Variants in TMEM94 observed in about 807,000 individuals in gnomAD.
TMEM94 encodes transmembrane protein 94.
In TMEM94, 81 loss-of-function variants were observed where a neutral mutation model predicts 158.6. The ratio of observed to expected loss-of-function variants is 0.51; its 90% CI spans 0.43 to 0.61. TMEM94 has a LOEUF of 0.61. Among genes scored for constraint, TMEM94 ranks in the 20% least tolerant of loss-of-function variants. The pLI is 0.00. For synonymous variants in TMEM94, 751 were observed against 730.7 expected (o/e 1.03, Z -0.45); for missense variants, 1,435 against 1,762.0 (o/e 0.81, Z 3.32).
intron 1 of TMEM94, among the ~76,000 whole-genome samples, chr17:75,462,542 A>T (rs1049121924): frequency 2.6e-5 from 4 of 151,378 alleles, no homozygotes; most frequent in African/African-American, 9.7e-5. Flanking sequence ...TTCCATTTTT[A>T]AAAATATACA....
At chr17:75,479,384 A>G (rs982831653) in intron 2 of TMEM94, among the ~76,000 whole-genome samples, 3 of 152,034 alleles carry the variant, frequency 2.0e-5, no homozygotes, top group Non-Finnish European at 2.9e-5. Context: ...CAGTGGCGCA[A>G]TCTCGGCTCA....
chr17:75,468,682 C>T (rs1423978929), intron 1 of TMEM94, among the ~76,000 whole-genome samples: 1 of 152,224 alleles, frequency 6.6e-6, no homozygotes, highest in Non-Finnish European at 1.5e-5. Flanking sequence ...CGTGGTTGCT[C>T]AGCCTAGGGC....
intron 1 of TMEM94, among the ~76,000 whole-genome samples, chr17:75,467,626 G>A (rs1197434960): frequency 6.9e-6 from 1 of 145,104 alleles, no homozygotes; most frequent in Admixed American, 7.1e-5. Context: ...TCCGCTTCCC[G>A]GGTTCACGCC....
chr17:75,460,387 A>G (rs2050023672), intron 1 of TMEM94, among the ~76,000 whole-genome samples: 1 of 152,228 alleles, frequency 6.6e-6, no homozygotes, highest in African/African-American at 2.4e-5. Context: ...AAAAAGATGT[A>G]TGCTGGACAA....
chr17:75,489,434 C>A lies in TMEM94; in HGVS notation c.867+66C>A. The A allele has an allele frequency of 6.5e-7, 1 of 1,529,388 alleles. No individual in the cohort carries two copies. The highest frequency in any genetic ancestry group is 9.1e-7 in the Non-Finnish European group (1 of 1,103,956). 94.7% of individuals were successfully genotyped at this position (1,529,388 alleles called of 1,614,324 possible). ...GAGAGGGCTGGACACGGGGGGGTCT[C>A]AGGGCCACTCACATGAGCGGGAGTG... On this transcript the variant is annotated intron_variant, in intron 8 of 31. Coordinates refer to ENST00000314256, the MANE Select transcript of TMEM94 (RefSeq NM_014738.6). The surrounding 1 kb of genome is among the most constrained non-coding windows in gnomAD (Gnocchi z 5.0).
intron 9 of TMEM94, 179 bp from the exon 10 acceptor site, chr17:75,490,055 G>A: frequency 1.2e-6 from 1 of 838,234 alleles, no homozygotes. Context: ...CTCCAGCCTG[G>A]CGACGGAGCA....
intron 1 of TMEM94, among the ~76,000 whole-genome samples, chr17:75,461,556 C>T (rs1295067218): frequency 6.6e-6 from 1 of 152,150 alleles, no homozygotes; most frequent in East Asian, 1.9e-4. Context: ...CCCAACCATT[C>T]CCTAGCCACT....
chr17:75,460,296 C>T (rs1315723730), intron 1 of TMEM94, among the ~76,000 whole-genome samples: 1 of 152,104 alleles, frequency 6.6e-6, no homozygotes, highest in Non-Finnish European at 1.5e-5. Context: ...TTCATAACTT[C>T]AAGGGCTTCT....
In TMEM94 at chr17:75,492,109, T is replaced by C. The variant is rs2052254626; in HGVS notation, c.1596+209T>C. The C allele has an allele frequency of 3.9e-6, 3 of 778,598 alleles. No individual in the cohort carries two copies. The highest frequency in any genetic ancestry group is 6.0e-6 in the Non-Finnish European group (3 of 498,490). 48.2% of individuals were successfully genotyped at this position (778,598 alleles called of 1,614,324 possible). ...TCCCCCTACCCTTCCATTCTTGTAA[T>C]CGCAATCACTGGTGTCCCTACTGGA... On this transcript the variant is annotated intron_variant, in intron 14 of 31. Coordinates refer to ENST00000314256, the MANE Select transcript of TMEM94 (RefSeq NM_014738.6). This position sits in a 1 kb window ranked among gnomAD's most constrained non-coding sequence, Gnocchi z 4.4.
chr17:75,478,890 C>G (rs902924881), intron 2 of TMEM94, among the ~76,000 whole-genome samples: 1 of 152,140 alleles, frequency 6.6e-6, no homozygotes, highest in Non-Finnish European at 1.5e-5. Context: ...GTACTTAAGG[C>G]CAGGTTAGAT....
chr17:75,464,366 C>T (rs1337475250), intron 1 of TMEM94, among the ~76,000 whole-genome samples: 1 of 152,022 alleles, frequency 6.6e-6, no homozygotes, highest in African/African-American at 2.4e-5. Flanking sequence ...ACCTGTGATC[C>T]TAGCTACTCG....
intron 5 of TMEM94, 54 bp downstream of exon 5, chr17:75,486,480 C>T: frequency 6.2e-7 from 1 of 1,608,974 alleles, no homozygotes; most frequent in Non-Finnish European, 8.5e-7. Flanking sequence ...CATATCAGAG[C>T]CCTGAGGGCT....
rs200196981 is a variant in TMEM94, at chr17:75,487,084, C to G, written c.409+658C>G. 6.6e-6 allele frequency among the ~76,000 whole-genome samples: 1 copy of G among 152,136 alleles called. No homozygotes were observed. The highest frequency in any genetic ancestry group is 2.4e-5 in the African/African-American group (1 of 41,420). Reference sequence around the variant, plus strand: ...TAGATGCTAAGTGAGTTTGTCCTTTCGTTCTGAGATGGTTAATTGCCACCA... The same window carrying G: ...TAGATGCTAAGTGAGTTTGTCCTTTGGTTCTGAGATGGTTAATTGCCACCA... On this transcript the variant is annotated intron_variant, in intron 5 of 31. Transcript: ENST00000314256. This position sits in a 1 kb window ranked among gnomAD's most constrained non-coding sequence, Gnocchi z 4.6.
Position 75,489,944 on chromosome 17 carries a change from T to A in TMEM94, c.954+282T>A, listed in dbSNP as rs531898357. ...GAATATAAAAATTAGCTGGGCGTGG[T>A]GGCACGTGCCTGTGGTCCCAGCCAT... On this transcript the variant is annotated intron_variant, in intron 9 of 31. Coordinates refer to ENST00000314256, the MANE Select transcript of TMEM94 (RefSeq NM_014738.6). The surrounding 1 kb of genome is among the most constrained non-coding windows in gnomAD (Gnocchi z 5.0). 6 of 560,860 alleles carry A rather than the reference T, an allele frequency of 1.1e-5. No individual in the cohort carries two copies. Among genetic ancestry groups the A allele is most frequent in the Non-Finnish European group, 1.9e-5 (6 of 313,266 alleles). 34.7% of individuals were successfully genotyped at this position (560,860 alleles called of 1,614,324 possible).
intron 27 of TMEM94, 42 bp downstream of exon 27, chr17:75,497,904 A>G: frequency 1.3e-6 from 2 of 1,560,420 alleles, no homozygotes; most frequent in Non-Finnish European, 1.8e-6. Context: ...GTGAGCATGG[A>G]AGGGACTGAG....
intron 1 of TMEM94, among the ~76,000 whole-genome samples, chr17:75,470,782 G>A (rs2146222004): frequency 6.6e-6 from 1 of 151,618 alleles, no homozygotes; most frequent in Middle Eastern, 3.4e-3. Flanking sequence ...AGCCGGGGAT[G>A]CTGGTGCATG....
Position 75,498,435 on chromosome 17 carries a change from CTT to C in TMEM94, c.3639-7_3639-6del, listed in dbSNP as rs758928624. On this transcript the variant is annotated splice_polypyrimidine_tract_variant and splice_region_variant and intron_variant, in intron 28 of 31. Transcript: ENST00000314256. This position sits in a 1 kb window ranked among gnomAD's most constrained non-coding sequence, Gnocchi z 6.7. ...CTAGAGGGGCTGAGCCCATGCCTCACTTTGGCAGCAACGACGACAGGGCTCCA... is the reference window on the plus strand; with the variant it reads ...CTAGAGGGGCTGAGCCCATGCCTCACTGGCAGCAACGACGACAGGGCTCCA... 4 of 1,590,792 alleles carry C rather than the reference CTT, an allele frequency of 2.5e-6. No homozygotes were observed. The East Asian group carries it at 9.0e-5, about 36-fold the overall frequency.
At position 75,458,695 on chromosome 17, in the gene TMEM94, CAA is replaced by C. The variant is rs532460835; in HGVS notation, c.-107+1957_-107+1958del. Among the ~76,000 whole-genome samples, 397 of 116,626 alleles carry C rather than the reference CAA, an allele frequency of 3.4e-3. 1 individual carries two copies. The highest frequency in any genetic ancestry group is 1.0e-2 in the African/African-American group (348 of 34,818). 76.5% of individuals were successfully genotyped at this position (116,626 alleles called of 152,430 possible). On this transcript the variant is annotated intron_variant, in intron 1 of 31. Transcript: ENST00000314256. ...GGGCAACAGAGCAAGACTCTGTCTC[CAA>C]AAAAAAAAAAAAGAGTCATGGAATC...
chr17:75,479,539 C>A (rs1177315130), intron 2 of TMEM94, among the ~76,000 whole-genome samples: 1 of 151,840 alleles, frequency 6.6e-6, no homozygotes, highest in Non-Finnish European at 1.5e-5. Context: ...AGGCTGGTCT[C>A]GAACTCCTCA....
Sources: gnomAD v4.1 joint callset for allele counts (sites outside exome capture counted in the v4.1 genomes callset) on GRCh38, gnomAD v4.1.1 for gene constraint, Gnocchi (gnomAD v3.1) non-coding constraint, MANE v1.5 for transcripts, NCBI Gene and HGNC (gene_info 2026-07-23, HGNC 2026-07-21) for gene names.